Variants in GALNT15 observed in about 807,000 individuals in gnomAD.
GALNT15 encodes the protein polypeptide N-acetylgalactosaminyltransferase 15.
Under a neutral mutation model 66.8 loss-of-function variants are expected in GALNT15, and 67 were observed. The observed-to-expected ratio is 1.00, with a 90% CI of 0.82 to 1.23. The LOEUF (loss-of-function observed/expected upper bound fraction) is 1.23, where lower values mean the gene tolerates loss of function less well. Ranked by LOEUF, GALNT15 falls within the 50% of genes most tolerant of loss-of-function variation. The pLI is 0.00. For missense variants in GALNT15, 827 were observed against 804.3 expected (o/e 1.03, Z -0.34); for synonymous variants, 313 against 311.5 (o/e 1.00, Z -0.05).
At chr3:16,233,094 C>CTTT (rs61516679), downstream of GALNT15, among the ~76,000 whole-genome samples, 125 of 61,192 alleles carry the variant, frequency 2.0e-3, 22 homozygotes, top group Middle Eastern at 0.01. Context: ...GATAATGCAT[C>CTTT]TTTTTTTTTT....
the GALNT15 span, among the ~76,000 whole-genome samples, chr3:16,242,413 T>C: frequency 6.6e-4 from 100 of 152,180 alleles, no homozygotes; most frequent in Admixed American, 3.1e-3. The surrounding 1 kb of genome is among the most constrained non-coding windows in gnomAD (Gnocchi z 5.6). Context: ...GCTTGGGAAA[T>C]CTTGATTAGA....
downstream of GALNT15, among the ~76,000 whole-genome samples, chr3:16,232,388 A>C (rs1483793997): frequency 6.7e-6 from 1 of 149,492 alleles, no homozygotes; most frequent in Non-Finnish European, 1.5e-5. Context: ...CAACATAGTA[A>C]GACCCTATCT....
rs1268612424 is a variant in GALNT15, at chr3:16,211,186, C to T, written c.1142C>T (p.Ala381Val). 11 of 1,613,962 alleles carry T rather than the reference C, an allele frequency of 6.8e-6. No homozygotes were observed. The highest frequency in any genetic ancestry group is 2.2e-5 in the East Asian group (1 of 44,876). ...MDRHYFQNTGAYDSLMSLRGG... is the reference protein window; with the variant it reads ...MDRHYFQNTGVYDSLMSLRGG... ...AGACATTACTTCCAAAACACTGGAG[C>T]GTATGACTCTCTTATGTCGCTGCGA... The change falls in exon 5 of 10, where the codon GCG becomes GTG. Residue 381 changes from alanine (A) to valine (V), a missense_variant. Ala to Val is a moderately conservative substitution (Grantham distance 64). Transcript: ENST00000339732. The surrounding 1 kb of genome is among the most constrained non-coding windows in gnomAD (Gnocchi z 4.3).
At chr3:16,190,569 C>T (rs1374365729) in intron 1 of GALNT15, among the ~76,000 whole-genome samples, 5 of 145,192 alleles carry the variant, frequency 3.4e-5, no homozygotes, top group African/African-American at 1.0e-4. Context: ...GCCCGGGAGG[C>T]GGAGCTTGCA....
In GALNT15 at chr3:16,200,935, A is replaced by C. The variant is rs975790425; in HGVS notation, c.911+112A>C. ...ATTAATTCCTGAATCTCCATTAGAG[A>C]GTGATATATTCCCTTCGGGTTTTCA... On this transcript the variant is annotated intron_variant, in intron 3 of 9. Coordinates refer to ENST00000339732, the MANE Select transcript of GALNT15 (RefSeq NM_054110.5). This position sits in a 1 kb window ranked among gnomAD's most constrained non-coding sequence, Gnocchi z 4.4. 1 of 775,374 alleles carries C rather than the reference A, an allele frequency of 1.3e-6. No homozygotes were observed. The highest frequency in any genetic ancestry group is 3.3e-5 in the Admixed American group (1 of 29,994). 48.0% of individuals were successfully genotyped at this position (775,374 alleles called of 1,614,324 possible). A position where few individuals can be genotyped will look rare whatever the true frequency, so the allele number is the denominator to read the frequency against.
At chr3:16,217,717 TCAAA>T (rs1182243143) in intron 6 of GALNT15, among the ~76,000 whole-genome samples, 2 of 152,106 alleles carry the variant, frequency 1.3e-5, no homozygotes, top group Admixed American at 1.3e-4. Flanking sequence ...TCACTCAAGG[TCAAA>T]CAAAGATTGG....
chr3:16,202,678 A>G (rs1169692184), intron 3 of GALNT15, among the ~76,000 whole-genome samples: 8 of 152,192 alleles, frequency 5.3e-5, no homozygotes, highest in Non-Finnish European at 1.2e-4. Context: ...GCCATTTTTG[A>G]TTCTGTTTCA....
Position 16,227,540 on chromosome 3 carries a change from A to G in GALNT15, c.*40A>G. The stretch of plus-strand genomic sequence containing the variant: ...AGGAAAAGAGAATTTTGGCCATCAA[A>G]ATCCAGCTCCAAGTGAACTTAAAGA... On this transcript the variant is annotated 3_prime_UTR_variant, in exon 10 of 10. Transcript: ENST00000339732. The surrounding 1 kb of genome is among the most constrained non-coding windows in gnomAD (Gnocchi z 4.5). 1 of 1,614,088 alleles carries G rather than the reference A, an allele frequency of 6.2e-7. No individual in the cohort carries two copies. The highest frequency in any genetic ancestry group is 8.5e-7 in the Non-Finnish European group (1 of 1,179,972).
intron 2 of GALNT15, 107 bp downstream of exon 2, chr3:16,196,033 C>A: frequency 1.8e-6 from 2 of 1,100,368 alleles, no homozygotes; most frequent in South Asian, 1.5e-5. Flanking sequence ...CAAGATTCCC[C>A]AACTACAGAC....
chr3:16,212,575 C>T lies in GALNT15; in HGVS notation c.1204C>T (p.Leu402Phe). Residue 402 changes from leucine (L) to phenylalanine (F), a missense_variant, in exon 6 of 10, where the codon CTC becomes TTC. By Grantham distance (22) the Leu-to-Phe change is conservative (BLOSUM62 0). Transcript: ENST00000339732. ...ENLELSFKAW[L>F]CGGSVEILPC... ...TCTTTTCCCTTCGTGGCAGGCCTGG[C>T]TCTGTGGTGGCTCTGTTGAAATCCT... 1 of 1,612,886 alleles carries T rather than the reference C, an allele frequency of 6.2e-7. No individual in the cohort carries two copies. Among genetic ancestry groups the T allele is most frequent in the Non-Finnish European group, 8.5e-7 (1 of 1,179,238 alleles).
chr3:16,175,943 GC>G lies in GALNT15; in HGVS notation c.539+256del. 6.6e-6 allele frequency among the ~76,000 whole-genome samples: 1 copy of G among 152,316 alleles called. No individual in the cohort carries two copies. Among genetic ancestry groups the G allele is most frequent in the South Asian group, 2.1e-4 (1 of 4,828 alleles). ...GGGGTCCAGTGGTCTGTATGAACAAGCCCTTCAGGTGAGAATCATTGTCCTA... is the reference window on the plus strand; with the variant it reads ...GGGGTCCAGTGGTCTGTATGAACAAGCCTTCAGGTGAGAATCATTGTCCTA... On this transcript the variant is annotated intron_variant, in intron 1 of 9. Coordinates refer to ENST00000339732, the MANE Select transcript of GALNT15 (RefSeq NM_054110.5). The surrounding 1 kb of genome is among the most constrained non-coding windows in gnomAD (Gnocchi z 5.6).
In GALNT15 at chr3:16,227,545, A is replaced by T; in HGVS notation, c.*45A>T. On this transcript the variant is annotated 3_prime_UTR_variant, in exon 10 of 10. Transcript: ENST00000339732. The surrounding 1 kb of genome is among the most constrained non-coding windows in gnomAD (Gnocchi z 4.5). The stretch of plus-strand genomic sequence containing the variant: ...AAGAGAATTTTGGCCATCAAAATCC[A>T]GCTCCAAGTGAACTTAAAGAGCTTA... The T allele has an allele frequency of 6.2e-7, 1 of 1,613,978 alleles. No homozygotes were observed. Among genetic ancestry groups the T allele is most frequent in the Non-Finnish European group, 8.5e-7 (1 of 1,179,916 alleles).
rs1375818525 is a variant in GALNT15, at chr3:16,225,088, C to T, written c.1774-2266C>T. On this transcript the variant is annotated intron_variant, in intron 9 of 9. Coordinates refer to ENST00000339732, the MANE Select transcript of GALNT15 (RefSeq NM_054110.5). This position sits in a 1 kb window ranked among gnomAD's most constrained non-coding sequence, Gnocchi z 4.4. ...GGCCTCAGAGAGCTTTTACTTATGG[C>T]AGAAGATGAAGTGGGAGCAGGCATA... Among the ~76,000 whole-genome samples, 2 of 152,052 alleles carry T rather than the reference C, an allele frequency of 1.3e-5. No individual in the cohort carries two copies. The highest frequency in any genetic ancestry group is 4.8e-5 in the African/African-American group (2 of 41,364).
chr3:16,216,858 C>G lies in GALNT15; in HGVS notation c.1393-2545C>G, dbSNP rs545086416. Among the ~76,000 whole-genome samples, 6 of 152,350 alleles carry G rather than the reference C, an allele frequency of 3.9e-5. No homozygotes were observed. In the South Asian group the frequency reaches 1.2e-3, roughly 32 times the overall value. On this transcript the variant is annotated intron_variant, in intron 6 of 9. Transcript: ENST00000339732. ...TAGTGCACATGCTTGAGCCCACTTG[C>G]CCAACTCCTGAGATCATATCGGGAA...
chr3:16,182,426 C>A lies in GALNT15; in HGVS notation c.539+6736C>A, dbSNP rs187103113. On this transcript the variant is annotated intron_variant, in intron 1 of 9. Coordinates refer to ENST00000339732, the MANE Select transcript of GALNT15 (RefSeq NM_054110.5). The surrounding 1 kb of genome is among the most constrained non-coding windows in gnomAD (Gnocchi z 6.1). Reference sequence around the variant, plus strand: ...ACCAGGCTGAGGACCACTGCTTAGGCCACTTTAGGTGACTAAGAACAGAGA... The same window carrying A: ...ACCAGGCTGAGGACCACTGCTTAGGACACTTTAGGTGACTAAGAACAGAGA... Among the ~76,000 whole-genome samples the A allele has an allele frequency of 6.6e-6, 1 of 152,320 alleles. No individual in the cohort carries two copies. Among genetic ancestry groups the A allele is most frequent in the Non-Finnish European group, 1.5e-5 (1 of 68,032 alleles).
rs1257341438 is a variant in GALNT15, at chr3:16,193,282, C to G, written c.540-2478C>G. ...TAAATTCATTCTAGAAATACCTAGGCCCTTATAACCTATATATTTATGTTC... is the reference window on the plus strand; with the variant it reads ...TAAATTCATTCTAGAAATACCTAGGGCCTTATAACCTATATATTTATGTTC... On this transcript the variant is annotated intron_variant, in intron 1 of 9. Coordinates refer to ENST00000339732, the MANE Select transcript of GALNT15 (RefSeq NM_054110.5). This position sits in a 1 kb window ranked among gnomAD's most constrained non-coding sequence, Gnocchi z 4.7. Among the ~76,000 whole-genome samples, 3 of 152,126 alleles carry G rather than the reference C, an allele frequency of 2.0e-5. No homozygotes were observed. Among genetic ancestry groups the G allele is most frequent in the African/African-American group, 7.2e-5 (3 of 41,412 alleles).
In GALNT15 at chr3:16,175,428, G is replaced by T. The variant is rs760304357; in HGVS notation, c.277G>T (p.Asp93Tyr). Residue 93 changes from aspartate to tyrosine, a missense_variant, in exon 1 of 10, where the codon GAT becomes TAT. Transcript: ENST00000339732. The surrounding 1 kb of genome is among the most constrained non-coding windows in gnomAD (Gnocchi z 5.6). ...GLPPFISLRE[D>Y]QLLVAVALPQ... ...GCCACCCTTTATCTCACTGCGGGAG[G>T]ATCAGCTGCTGGTGGCCGTGGCCTT... The T allele has an allele frequency of 6.2e-7, 1 of 1,614,150 alleles. No individual in the cohort carries two copies. The highest frequency in any genetic ancestry group is 8.5e-7 in the Non-Finnish European group (1 of 1,180,010).
intron 2 of GALNT15, among the ~76,000 whole-genome samples, chr3:16,197,955 A>G (rs2063658360): frequency 6.9e-6 from 1 of 144,350 alleles, no homozygotes; most frequent in South Asian, 2.2e-4. Flanking sequence ...AGTCTGTCCT[A>G]AATAATACTA....
At chr3:16,240,277 A>G in the GALNT15 span, among the ~76,000 whole-genome samples, 2 of 152,228 alleles carry the variant, frequency 1.3e-5, no homozygotes, top group Admixed American at 1.3e-4. Flanking sequence ...AGATTTAAAA[A>G]CAATAAATAT....
Sources: allele counts gnomAD v4.1 joint callset (sites outside exome capture counted in the v4.1 genomes callset), GRCh38; gene constraint gnomAD v4.1.1; non-coding constraint Gnocchi (gnomAD v3.1); transcripts MANE v1.5; gene names NCBI Gene and HGNC (gene_info 2026-07-23, HGNC 2026-07-21).